Variants in UBE2L3 observed in about 807,000 individuals in gnomAD.
UBE2L3 encodes ubiquitin conjugating enzyme E2 L3.
In UBE2L3, 1 loss-of-function variant was observed where a neutral mutation model predicts 17.8. That is an observed-to-expected ratio of 0.06 (90% CI 0.02 to 0.27). UBE2L3 has a LOEUF of 0.27. UBE2L3 is among the 10% of genes least tolerant of loss of function. The probability of loss-of-function intolerance (pLI) is 1.00; values close to 1 mark genes in which losing one functional copy is unlikely to be tolerated. For missense variants in UBE2L3, 40 were observed against 192.6 expected (o/e 0.21, Z 4.69); for synonymous variants, 44 against 68.5 (o/e 0.64, Z 1.76).
chr22:21,572,059 T>G (rs1601395331), intron 1 of UBE2L3, among the ~76,000 whole-genome samples: 1 of 152,168 alleles, frequency 6.6e-6, no homozygotes, highest in African/African-American at 2.4e-5. Flanking sequence ...ATGGTATTCT[T>G]TGTAAATGTT....
intron 1 of UBE2L3, among the ~76,000 whole-genome samples, chr22:21,575,198 G>A (rs529230807): frequency 6.7e-6 from 1 of 148,216 alleles, no homozygotes; most frequent in African/African-American, 2.5e-5. Flanking sequence ...GGCAGAGGTT[G>A]CAGTGAGCCA....
chr22:21,610,821 C>G (rs1929436815), intron 2 of UBE2L3, 36 bp from the exon 3 acceptor site: 1 of 1,543,788 alleles, frequency 6.5e-7, no homozygotes, highest in Non-Finnish European at 8.7e-7. Flanking sequence ...GTTTATGAAC[C>G]ATGGTGTGTT....
intron 2 of UBE2L3, among the ~76,000 whole-genome samples, chr22:21,601,695 C>T (rs1033421728): frequency 9.4e-5 from 14 of 149,392 alleles, no homozygotes; most frequent in African/African-American, 2.5e-4. Flanking sequence ...GGGCCAGGCA[C>T]GGTGGCTCAC....
intron 1 of UBE2L3, among the ~76,000 whole-genome samples, chr22:21,576,381 TC>T (rs1927296782): frequency 6.6e-6 from 1 of 151,586 alleles, no homozygotes; most frequent in South Asian, 2.1e-4. Flanking sequence ...CACTGCAAGC[TC>T]CACCTCCCAG....
upstream of UBE2L3, chr22:21,567,589 A>T (rs1926693315): frequency 2.7e-6 from 4 of 1,466,338 alleles, no homozygotes; most frequent in Non-Finnish European, 3.6e-6. Context: ...GCGTTCCTCC[A>T]CGCGCCCCCC....
chr22:21,601,576 A>C (rs1440273332), intron 2 of UBE2L3, among the ~76,000 whole-genome samples: 2 of 151,788 alleles, frequency 1.3e-5, no homozygotes, highest in Admixed American at 6.6e-5. Context: ...CAGCATCCCA[A>C]AGTGCTGGGA....
chr22:21,578,449 C>T (rs914084758), intron 1 of UBE2L3, among the ~76,000 whole-genome samples: 3 of 152,014 alleles, frequency 2.0e-5, no homozygotes, highest in African/African-American at 7.2e-5. Flanking sequence ...CAGTTCCCGT[C>T]GTGCCCATTT....
intron 1 of UBE2L3, among the ~76,000 whole-genome samples, chr22:21,573,887 T>A (rs2046551397): frequency 6.6e-6 from 1 of 152,186 alleles, no homozygotes; most frequent in Admixed American, 6.5e-5. Context: ...GTGCACCTGG[T>A]TCCTCCAGAG....
In UBE2L3 at chr22:21,608,344, G is replaced by A. The variant is rs1396704681; in HGVS notation, c.124-2513G>A. On this transcript the variant is annotated intron_variant, in intron 2 of 3. Transcript: ENST00000342192. ...AGCTCATTGCATTCTCAAACTCCTG[G>A]GCCTAAGAAGTCCACCCTTCTTAGC... Among the ~76,000 whole-genome samples, 3 of 152,050 alleles carry A rather than the reference G, an allele frequency of 2.0e-5. No individual in the cohort carries two copies. In the East Asian group the frequency reaches 5.8e-4, roughly 29 times the overall value.
At chr22:21,585,582 T>C (rs1391447593) in intron 1 of UBE2L3, among the ~76,000 whole-genome samples, 1 of 152,160 alleles carries the variant, frequency 6.6e-6, no homozygotes, top group East Asian at 1.9e-4. Context: ...ACAGAAACAT[T>C]GTAGTGGCTG....
At chr22:21,599,000 C>T (rs1323098832) in intron 2 of UBE2L3, among the ~76,000 whole-genome samples, 2 of 151,964 alleles carry the variant, frequency 1.3e-5, no homozygotes, top group African/African-American at 2.4e-5. Context: ...CCACCACGCT[C>T]GGCTAATTCT....
chr22:21,587,449 G>C (rs571123691), intron 1 of UBE2L3, among the ~76,000 whole-genome samples: 44 of 152,188 alleles, frequency 2.9e-4, no homozygotes, highest in African/African-American at 1.0e-3. Context: ...AAAGTGCTGG[G>C]ATTACAGGTG....
At chr22:21,567,230 C>G (rs1926671933), upstream of UBE2L3, among the ~76,000 whole-genome samples, 2 of 152,058 alleles carry the variant, frequency 1.3e-5, no homozygotes, top group Non-Finnish European at 2.9e-5. Flanking sequence ...GTGGCAAGAT[C>G]TCGGCTCACT....
intron 2 of UBE2L3, among the ~76,000 whole-genome samples, chr22:21,605,900 C>T (rs1408893992): frequency 1.3e-5 from 2 of 152,078 alleles, no homozygotes; most frequent in Non-Finnish European, 2.9e-5. Context: ...GCCTCCTGGG[C>T]TCTTGTGATC....
intron 3 of UBE2L3, among the ~76,000 whole-genome samples, chr22:21,617,209 T>A (rs530453778): frequency 6.6e-6 from 1 of 150,622 alleles, no homozygotes; most frequent in African/African-American, 2.4e-5. Context: ...TATTCTCTGA[T>A]GAGAATATAG....
At chr22:21,568,032 G>C in intron 1 of UBE2L3, 1 of 1,295,870 alleles carries the variant, frequency 7.7e-7, no homozygotes, top group Non-Finnish European at 9.8e-7. Flanking sequence ...TCTCCGCCCG[G>C]AGCTTGGCCG....
At chr22:21,617,548 T>G (rs1929839819) in intron 3 of UBE2L3, among the ~76,000 whole-genome samples, 2 of 152,086 alleles carry the variant, frequency 1.3e-5, no homozygotes, top group Non-Finnish European at 2.9e-5. Flanking sequence ...GTTACAAGTG[T>G]GAGCTGCTGC....
At chr22:21,610,211 C>G (rs904187699) in intron 2 of UBE2L3, among the ~76,000 whole-genome samples, 7 of 152,146 alleles carry the variant, frequency 4.6e-5, no homozygotes, top group African/African-American at 1.4e-4. Context: ...TCAGGGGCCT[C>G]TTTGATAAGG....
intron 2 of UBE2L3, among the ~76,000 whole-genome samples, chr22:21,605,667 G>T (rs888685326): frequency 6.6e-6 from 1 of 152,060 alleles, no homozygotes; most frequent in Non-Finnish European, 1.5e-5. Flanking sequence ...CACCACGCCT[G>T]GCTAATTTTT....
Sources: allele counts gnomAD v4.1 joint callset (sites outside exome capture counted in the v4.1 genomes callset), GRCh38; gene constraint gnomAD v4.1.1; transcripts MANE v1.5; gene names NCBI Gene and HGNC (gene_info 2026-07-23, HGNC 2026-07-21).